Variants in ADGRB3 observed in about 807,000 individuals in gnomAD.
ADGRB3 encodes the protein brain-specific angiogenesis inhibitor 3.
A neutral mutation model predicts 193.4 loss-of-function variants in ADGRB3; 37 were observed. That is an observed-to-expected ratio of 0.19 (90% confidence interval 0.15 to 0.25). The LOEUF is 0.25. Among genes scored for constraint, ADGRB3 ranks in the 10% least tolerant of loss-of-function variants. The probability of loss-of-function intolerance (pLI) is 1.00; values close to 1 mark genes in which losing one functional copy is unlikely to be tolerated. For missense variants in ADGRB3, 1,637 were observed against 1,852.9 expected (o/e 0.88, Z 2.14); for synonymous variants, 690 against 644.2 (o/e 1.07, Z -1.08).
At chr6:68,825,452 A>T (rs1767825123) in intron 3 of ADGRB3, among the ~76,000 whole-genome samples, 1 of 151,106 alleles carries the variant, frequency 6.6e-6, no homozygotes, top group African/African-American at 2.4e-5. Flanking sequence ...ATGCATACAT[A>T]TATGCATATG....
intron 17 of ADGRB3, among the ~76,000 whole-genome samples, chr6:69,095,227 AAGC>A (rs1356614767): frequency 6.6e-6 from 1 of 152,216 alleles, no homozygotes; most frequent in Non-Finnish European, 1.5e-5. Context: ...ATATGTAGAA[AAGC>A]AGCAGATTTA....
chr6:69,213,171 TC>T (rs1031520745), intron 17 of ADGRB3, among the ~76,000 whole-genome samples: 64 of 152,278 alleles, frequency 4.2e-4, no homozygotes, highest in African/African-American at 1.5e-3. Flanking sequence ...TATCTCACTC[TC>T]CCCACTTGGC....
chr6:69,363,074 T>G (rs1162293407), intron 29 of ADGRB3, among the ~76,000 whole-genome samples: 1 of 152,032 alleles, frequency 6.6e-6, no homozygotes, highest in Non-Finnish European at 1.5e-5. Context: ...CCTGAAAATT[T>G]TGCTGGATTG....
intron 7 of ADGRB3, 114 bp downstream of exon 7, chr6:68,956,302 T>TAC (rs369748386): frequency 1.9e-6 from 1 of 538,918 alleles, no homozygotes; most frequent in African/African-American, 3.1e-5. Flanking sequence ...TATATATATA[T>TAC]GTGTGTGTGT....
At chr6:69,259,695 CA>C (rs397887907) in intron 20 of ADGRB3, among the ~76,000 whole-genome samples, 12,662 of 76,078 alleles carry the variant, frequency 0.17, 288 homozygotes, top group Middle Eastern at 0.26. Flanking sequence ...GACTCTGTCT[CA>C]AAAAAAAAAA....
At position 68,786,296 on chromosome 6, in the gene ADGRB3, T is replaced by G. The variant is rs868849820; in HGVS notation, c.758-144263T>G. Reference sequence around the variant, plus strand: ...GTTTTTATGGTTTGAGGTCTAACATTTAAGTCTTTAATCCATCTTGAATTA... The same window carrying G: ...GTTTTTATGGTTTGAGGTCTAACATGTAAGTCTTTAATCCATCTTGAATTA... On this transcript the variant is annotated intron_variant, in intron 3 of 31. Transcript: ENST00000370598. 2.9e-3 allele frequency among the ~76,000 whole-genome samples: 446 copies of G among 152,274 alleles called. 3 individuals are homozygous for G. The highest frequency in any genetic ancestry group is 6.5e-3 in the African/African-American group (271 of 41,550).
intron 15 of ADGRB3, among the ~76,000 whole-genome samples, chr6:69,053,835 A>C (rs1771468096): frequency 6.6e-6 from 1 of 152,240 alleles, no homozygotes; most frequent in African/African-American, 2.4e-5. Flanking sequence ...TTCTACTTCT[A>C]AGAATTTATT....
At chr6:69,367,254 A>G (rs182706842) in intron 29 of ADGRB3, among the ~76,000 whole-genome samples, 3 of 152,262 alleles carry the variant, frequency 2.0e-5, no homozygotes, top group African/African-American at 7.2e-5. Context: ...GTTAAAATGC[A>G]AAGGAGAGAC....
At chr6:68,717,786 T>C (rs115746595) in intron 3 of ADGRB3, among the ~76,000 whole-genome samples, 5 of 151,744 alleles carry the variant, frequency 3.3e-5, no homozygotes, top group African/African-American at 1.2e-4. Flanking sequence ...AAGAAAAAAA[T>C]ATGGAGAAAT....
At chr6:69,318,526 A>C (rs1768367693) in intron 20 of ADGRB3, among the ~76,000 whole-genome samples, 1 of 151,356 alleles carries the variant, frequency 6.6e-6, no homozygotes, top group South Asian at 2.1e-4. Flanking sequence ...AGTGGCTTAC[A>C]GCTTTCTTGC....
chr6:69,145,768 G>A (rs993624499), intron 17 of ADGRB3, among the ~76,000 whole-genome samples: 16 of 151,882 alleles, frequency 1.1e-4, no homozygotes, highest in African/African-American at 2.9e-4. Flanking sequence ...CCCTGGAGTC[G>A]GTAGCTCCTC....
intron 11 of ADGRB3, among the ~76,000 whole-genome samples, chr6:68,997,525 GCATGCCTGTAATT>G (rs1383804011): frequency 6.7e-6 from 1 of 149,384 alleles, no homozygotes; most frequent in Non-Finnish European, 1.5e-5. Context: ...GCATGGTAGT[GCATGCCTGTAATT>G]CTAGCTACTC....
At chr6:69,322,552 A>C (rs1429020961) in intron 20 of ADGRB3, among the ~76,000 whole-genome samples, 1 of 151,826 alleles carries the variant, frequency 6.6e-6, no homozygotes, top group African/African-American at 2.4e-5. Context: ...ATTCTGACTG[A>C]TATGAGATGG....
At chr6:69,289,595 C>T (rs576577414) in intron 20 of ADGRB3, among the ~76,000 whole-genome samples, 20 of 152,166 alleles carry the variant, frequency 1.3e-4, no homozygotes, top group African/African-American at 4.3e-4. Flanking sequence ...CACCTGCATG[C>T]CCATGGCACC....
At chr6:68,820,831 G>C (rs1219683767) in intron 3 of ADGRB3, among the ~76,000 whole-genome samples, 1 of 152,074 alleles carries the variant, frequency 6.6e-6, no homozygotes, top group Non-Finnish European at 1.5e-5. Context: ...TCTGGATACT[G>C]AGAATAGAAT....
At chr6:68,736,105 G>A (rs904972192) in intron 3 of ADGRB3, among the ~76,000 whole-genome samples, 1 of 151,766 alleles carries the variant, frequency 6.6e-6, no homozygotes, top group South Asian at 2.1e-4. Context: ...TCAAGTTCCT[G>A]GGCTCAGGAG....
At chr6:68,745,178 G>GT (rs1428230983) in intron 3 of ADGRB3, among the ~76,000 whole-genome samples, 1 of 152,130 alleles carries the variant, frequency 6.6e-6, no homozygotes. Flanking sequence ...GTAGCCAAGA[G>GT]GTAGAAGCAA....
intron 20 of ADGRB3, among the ~76,000 whole-genome samples, chr6:69,278,852 T>G (rs529112175): frequency 6.6e-6 from 1 of 151,940 alleles, no homozygotes; most frequent in Admixed American, 6.6e-5. Flanking sequence ...ATACAAAATA[T>G]ACATAACCAA....
At chr6:68,796,660 G>A (rs1287156823) in intron 3 of ADGRB3, among the ~76,000 whole-genome samples, 2 of 152,092 alleles carry the variant, frequency 1.3e-5, no homozygotes, top group African/African-American at 2.4e-5. Context: ...CCCAAGTTCC[G>A]AAATCTGTGC....
Sources: allele counts gnomAD v4.1 joint callset (sites outside exome capture counted in the v4.1 genomes callset), GRCh38; gene constraint gnomAD v4.1.1; transcripts MANE v1.5; gene names NCBI Gene and HGNC (gene_info 2026-07-23, HGNC 2026-07-21).